YAP1: variants seen among roughly 807,000 people sequenced by gnomAD.
The protein encoded by YAP1 is Yes1 associated transcriptional regulator.
YAP1 carries 5 observed loss-of-function variants against 56.9 expected under a neutral mutation model. The ratio of observed to expected loss-of-function variants is 0.09; its 90% CI spans 0.05 to 0.18. YAP1 has a LOEUF of 0.18. YAP1 is among the 10% of genes least tolerant of loss of function. The probability of loss-of-function intolerance (pLI) is 1.00; values close to 1 mark genes in which losing one functional copy is unlikely to be tolerated. For missense variants in YAP1, 539 were observed against 651.8 expected (o/e 0.83, Z 1.88); for synonymous variants, 265 against 248.1 (o/e 1.07, Z -0.64).
chr11:102,172,285 G>T (rs910414100), intron 3 of YAP1, among the ~76,000 whole-genome samples: 9 of 148,376 alleles, frequency 6.1e-5, no homozygotes, highest in African/African-American at 2.0e-4. Context: ...TAGTGGAAAG[G>T]AAGAACAGTG....
chr11:102,196,982 ACT>A (rs1313124129), intron 4 of YAP1, among the ~76,000 whole-genome samples: 2 of 151,614 alleles, frequency 1.3e-5, no homozygotes, highest in African/African-American at 2.4e-5. Flanking sequence ...CTTTATAGCG[ACT>A]CTCTATTGAT....
At chr11:102,182,874 T>G (rs183328439) in intron 3 of YAP1, among the ~76,000 whole-genome samples, 4 of 152,350 alleles carry the variant, frequency 2.6e-5, no homozygotes, top group Non-Finnish European at 5.9e-5. Flanking sequence ...TTATTTTGTA[T>G]TTGGTATATA....
At chr11:102,190,783 A>G (rs576009491) in intron 4 of YAP1, among the ~76,000 whole-genome samples, 50 of 152,030 alleles carry the variant, frequency 3.3e-4, no homozygotes, top group African/African-American at 1.1e-3. Flanking sequence ...TAAAAATGCA[A>G]AAATTAGCCA....
chr11:102,233,192 G>A lies in YAP1; in HGVS notation c.*3252G>A, dbSNP rs1434753016. On this transcript the variant is annotated 3_prime_UTR_variant, in exon 9 of 9. Transcript: ENST00000282441. ...GTGCCTATCATAACAATTGTTTTCT[G>A]TATCTTGAAAAAGTATTCTCCACAT... 6.6e-6 allele frequency: 1 copy of A among 152,120 alleles called. No homozygotes were observed. The highest frequency in any genetic ancestry group is 1.9e-4 in the East Asian group (1 of 5,190). 9.4% of individuals were successfully genotyped at this position (152,120 alleles called of 1,614,324 possible).
intron 4 of YAP1, among the ~76,000 whole-genome samples, chr11:102,196,539 A>G (rs1405130060): frequency 6.6e-6 from 1 of 151,996 alleles, no homozygotes; most frequent in Non-Finnish European, 1.5e-5. Context: ...GAAGTAGATT[A>G]GTGGTTGCCA....
intron 4 of YAP1, among the ~76,000 whole-genome samples, chr11:102,192,105 A>G (rs1948321498): frequency 6.6e-6 from 1 of 152,180 alleles, no homozygotes; most frequent in Non-Finnish European, 1.5e-5. Context: ...AGTTTACTTC[A>G]TTATAGTGTA....
At chr11:102,211,860 C>T (rs535959538) in intron 6 of YAP1, among the ~76,000 whole-genome samples, 3 of 152,186 alleles carry the variant, frequency 2.0e-5, no homozygotes, top group South Asian at 4.1e-4. Context: ...CCTGCCACTA[C>T]GCCCAGCTAA....
At chr11:102,191,024 A>G (rs1304583114) in intron 4 of YAP1, among the ~76,000 whole-genome samples, 1 of 151,856 alleles carries the variant, frequency 6.6e-6, no homozygotes, top group African/African-American at 2.4e-5. Flanking sequence ...AAATACAAAA[A>G]TTAGCTGGGC....
At chr11:102,112,817 C>A (rs1461188776) in intron 1 of YAP1, 5 of 961,052 alleles carry the variant, frequency 5.2e-6, no homozygotes, top group African/African-American at 1.8e-5. Flanking sequence ...TTGGCATGCA[C>A]CCTACAGACT....
At chr11:102,154,396 G>A (rs577317651) in intron 2 of YAP1, among the ~76,000 whole-genome samples, 24 of 152,184 alleles carry the variant, frequency 1.6e-4, no homozygotes, top group Non-Finnish European at 3.1e-4. Flanking sequence ...AAAGACTACT[G>A]ACTCTTCTAA....
At position 102,223,708 on chromosome 11, in the gene YAP1, A is replaced by G. The variant is rs757429113; in HGVS notation, c.1119A>G (p.Glu373=). ...TGTCTTCTCCCGGGATGTCTCAGGA[A>G]TTGAGAACAATGACGACCAATAGCT... ...NPVSSPGMSQ[E]LRTMTTNSSD... The change falls in exon 7 of 9, where the codon GAA becomes GAG. Residue 373 remains glutamate, a synonymous_variant. Transcript: ENST00000282441. 2.5e-6 allele frequency: 4 copies of G among 1,614,162 alleles called. No homozygotes were observed. Among genetic ancestry groups the G allele is most frequent in the Non-Finnish European group, 3.4e-6 (4 of 1,180,010 alleles).
intron 6 of YAP1, among the ~76,000 whole-genome samples, chr11:102,217,977 A>G (rs1439595714): frequency 6.6e-6 from 1 of 152,196 alleles, no homozygotes; most frequent in Non-Finnish European, 1.5e-5. Context: ...CTGGGATTAC[A>G]GGTGTGAGCC....
chr11:102,125,543 A>AT (rs1943984548), intron 2 of YAP1, among the ~76,000 whole-genome samples: 1 of 149,220 alleles, frequency 6.7e-6, no homozygotes, highest in Admixed American at 6.7e-5. Flanking sequence ...TGCCTGGCTA[A>AT]TTTTTTTATA....
chr11:102,164,848 G>A (rs921222251), intron 3 of YAP1, among the ~76,000 whole-genome samples: 4 of 152,122 alleles, frequency 2.6e-5, no homozygotes, highest in Middle Eastern at 3.2e-3. Context: ...TCAGCCTCCT[G>A]AGTAGCTGGG....
chr11:102,199,158 A>G (rs1311777961), intron 4 of YAP1, among the ~76,000 whole-genome samples: 1 of 152,216 alleles, frequency 6.6e-6, no homozygotes, highest in Non-Finnish European at 1.5e-5. Flanking sequence ...AGCACCCACT[A>G]TTCCAGGTGT....
At chr11:102,200,112 C>T (rs11225163) in intron 4 of YAP1, among the ~76,000 whole-genome samples, 54,590 of 152,018 alleles carry the variant, frequency 0.36, 10,023 homozygotes, top group East Asian at 0.41. Context: ...ATAACTTACA[C>T]GTTTACATAG....
intron 3 of YAP1, among the ~76,000 whole-genome samples, chr11:102,177,929 A>G (rs1947359391): frequency 6.6e-6 from 1 of 152,172 alleles, no homozygotes; most frequent in Non-Finnish European, 1.5e-5. Context: ...ACTGTTTGTC[A>G]TAATTGTGGT....
intron 2 of YAP1, among the ~76,000 whole-genome samples, chr11:102,115,472 A>G (rs1346105865): frequency 1.3e-5 from 2 of 152,148 alleles, no homozygotes; most frequent in Non-Finnish European, 2.9e-5. Context: ...GTGGGTTGCT[A>G]CTTTGTAATG....
At chr11:102,169,413 A>G (rs1348140359) in intron 3 of YAP1, among the ~76,000 whole-genome samples, 1 of 152,162 alleles carries the variant, frequency 6.6e-6, no homozygotes, top group Non-Finnish European at 1.5e-5. Context: ...GGCTCTTCCA[A>G]GTAGTTGGTT....
Sources: gnomAD v4.1 joint callset for allele counts (sites outside exome capture counted in the v4.1 genomes callset) on GRCh38, gnomAD v4.1.1 for gene constraint, MANE v1.5 for transcripts, NCBI Gene and HGNC (gene_info 2026-07-23, HGNC 2026-07-21) for gene names.